The following PCDH10 variants were observed in gnomAD, a reference collection of about 807,000 sequenced individuals.
The protein encoded by PCDH10 is protocadherin 10.
Under a neutral mutation model 74.4 loss-of-function variants are expected in PCDH10, and 15 were observed. That is an observed-to-expected ratio of 0.20 (90% CI 0.13 to 0.31). PCDH10 has a LOEUF of 0.31. Among genes scored for constraint, PCDH10 ranks in the 10% least tolerant of loss-of-function variants. PCDH10 has a pLI of 1.00. For synonymous variants in PCDH10, 619 were observed against 589.8 expected (o/e 1.05, Z -0.72); for missense variants, 1,260 against 1,390.2 (o/e 0.91, Z 1.49).
chr4:133,204,776 C>T (rs1727969021), intron 2 of PCDH10, among the ~76,000 whole-genome samples: 1 of 152,088 alleles, frequency 6.6e-6, no homozygotes. Context: ...GGGAGGGATT[C>T]CTGCCCTGGG....
At chr4:133,197,112 G>T (rs1012819497), downstream of PCDH10, among the ~76,000 whole-genome samples, 3 of 151,982 alleles carry the variant, frequency 2.0e-5, no homozygotes, top group African/African-American at 7.2e-5. Flanking sequence ...AATCTGGCTG[G>T]GTTCGCTTTC....
At position 133,151,757 on chromosome 4, in the gene PCDH10, C is replaced by A. The variant is rs1209476228; in HGVS notation, c.1617C>A (p.Phe539Leu). The A allele has an allele frequency of 6.2e-7, 1 of 1,613,146 alleles. No homozygotes were observed. Among genetic ancestry groups the A allele is most frequent in the Admixed American group, 1.7e-5 (1 of 60,038 alleles). The change falls in exon 1 of 5, where the codon TTC (phenylalanine) becomes TTA (leucine). Residue 539 changes from phenylalanine (F) to leucine (L), a missense_variant. By Grantham distance (22) the Phe-to-Leu change is conservative. Around this residue, in one of 11 missense-constraint regions of PCDH10, gnomAD observed 587 missense variants for 616.9 expected, o/e 0.95. Coordinates refer to ENST00000264360, the MANE Select transcript of PCDH10 (RefSeq NM_032961.3). ...TCGACTATGAGCAGCTGAAGGACTT[C>A]AGTTTTCAGGTGGAAGCCCGGGACG... is the stretch of plus-strand genomic sequence containing the variant. Reference protein sequence around the residue: ...RSFDYEQLKDFSFQVEARDAG... With the variant: ...RSFDYEQLKDLSFQVEARDAG...
downstream of PCDH10, among the ~76,000 whole-genome samples, chr4:133,196,504 A>T (rs187783766): frequency 6.6e-6 from 1 of 152,288 alleles, no homozygotes; most frequent in Non-Finnish European, 1.5e-5. Context: ...CTTAGGTATT[A>T]CAATAGTGAG....
chr4:133,205,639 A>G (rs998384037), intron 2 of PCDH10, among the ~76,000 whole-genome samples: 3 of 151,862 alleles, frequency 2.0e-5, no homozygotes, highest in African/African-American at 4.8e-5. Context: ...CTCCTTCGTT[A>G]TTTGGATGCT....
Position 133,155,006 on chromosome 4 carries a change from A to G in PCDH10, c.2780A>G (p.Asn927Ser). The change falls in exon 3 of 5, where the codon AAC becomes AGC. Residue 927 changes from asparagine to serine, a missense_variant. By Grantham distance (46) the Asn-to-Ser change is conservative. This residue lies in a region of PCDH10 where 136 missense variants were observed against 149.3 expected (regional missense o/e 0.91). Coordinates refer to ENST00000264360, the MANE Select transcript of PCDH10 (RefSeq NM_032961.3). The part of the protein sequence containing the change: ...EQGDSDHDAT[N>S]RAQSAGMDLF... ...GGAGATAGTGATCATGATGCCACCAACCGTGCCCAGTCAGCTGGTAAGTGT... is the reference window on the plus strand; with the variant it reads ...GGAGATAGTGATCATGATGCCACCAGCCGTGCCCAGTCAGCTGGTAAGTGT... The G allele has an allele frequency of 3.1e-6, 5 of 1,610,294 alleles. No individual in the cohort carries two copies. The highest frequency in any genetic ancestry group is 4.2e-6 in the Non-Finnish European group (5 of 1,176,498).
downstream of PCDH10, among the ~76,000 whole-genome samples, chr4:133,197,073 CAG>C (rs1560718086): frequency 6.6e-6 from 1 of 152,136 alleles, no homozygotes; most frequent in African/African-American, 2.4e-5. Context: ...CTCCATTTAT[CAG>C]TGGTATGGAG....
intron 2 of PCDH10, among the ~76,000 whole-genome samples, chr4:133,203,364 T>C (rs923719350): frequency 6.6e-5 from 10 of 152,206 alleles, no homozygotes; most frequent in African/African-American, 2.2e-4. Context: ...TATAAACTTT[T>C]TGCTTTAGAA....
intron 2 of PCDH10, among the ~76,000 whole-genome samples, chr4:133,207,026 TATGTA>T (rs1222191054): frequency 6.6e-6 from 1 of 152,112 alleles, no homozygotes; most frequent in Non-Finnish European, 1.5e-5. Flanking sequence ...AATAATAAAA[TATGTA>T]ATTCATTTTT....
At chr4:133,165,837 A>G (rs964511504) in intron 4 of PCDH10, among the ~76,000 whole-genome samples, 3 of 151,764 alleles carry the variant, frequency 2.0e-5, no homozygotes, top group East Asian at 1.9e-4. Flanking sequence ...TTTGATTTCT[A>G]TACCTCCGAT....
intron 3 of PCDH10, among the ~76,000 whole-genome samples, chr4:133,159,753 G>C (rs1232838281): frequency 1.3e-5 from 2 of 151,880 alleles, no homozygotes; most frequent in African/African-American, 4.8e-5. Flanking sequence ...TAAGGCATTT[G>C]AATGAGAAAA....
rs11400760 is a variant in PCDH10, at chr4:133,201,856, C to CAAAA, written n.438-6202_438-6199dup. ...GGGCAACAAGAGTGAAACTCCATCT[C>CAAAA]AAAAAAAAAAAAAAAAAAAAAGGAA... On this transcript the variant is annotated intron_variant and non_coding_transcript_variant, in intron 2 of 2. Transcript: ENST00000511112. 1.5e-3 allele frequency among the ~76,000 whole-genome samples: 105 copies of CAAAA among 71,844 alleles called. 1 individual carries two copies. Among genetic ancestry groups the CAAAA allele is most frequent in the African/African-American group, 2.9e-3 (54 of 18,312 alleles). The allele number at this position is 71,844 out of a possible 152,430, so 47.1% of individuals were successfully genotyped here.
At chr4:133,154,651 T>C (rs898649496) in intron 2 of PCDH10, among the ~76,000 whole-genome samples, 1 of 152,234 alleles carries the variant, frequency 6.6e-6, no homozygotes, top group Non-Finnish European at 1.5e-5. Flanking sequence ...TTTATATCTA[T>C]TTTATGAAAA....
At position 133,194,435 on chromosome 4, in the gene PCDH10, G is replaced by A. The variant is rs1304880946; in HGVS notation, c.*4275G>A. 6.6e-6 allele frequency: 1 copy of A among 151,760 alleles called. No homozygotes were observed. The highest frequency in any genetic ancestry group is 1.5e-5 in the Non-Finnish European group (1 of 67,784). 9.4% of individuals were successfully genotyped at this position (151,760 alleles called of 1,614,324 possible). On this transcript the variant is annotated 3_prime_UTR_variant, in exon 5 of 5. Coordinates refer to ENST00000264360, the MANE Select transcript of PCDH10 (RefSeq NM_032961.3). ...ATTTCAGCTCTAAACACATTTTTGA[G>A]ACAGTTATCTGTGAGTGAAAACAGG...
chr4:133,151,283 C>A lies in PCDH10; in HGVS notation c.1143C>A (p.Ser381Arg), dbSNP rs745922419. The A allele has an allele frequency of 6.2e-7, 1 of 1,614,102 alleles. No individual in the cohort carries two copies. The highest frequency in any genetic ancestry group is 1.1e-5 in the South Asian group (1 of 91,076). The stretch of plus-strand genomic sequence containing the variant: ...CCGGCACTGTGGTGGCCCTTTTCAG[C>A]GTGACTGACCGCGACTCAGAGGAGA... ...AAPGTVVALFSVTDRDSEENG... is the reference protein window; with the variant it reads ...AAPGTVVALFRVTDRDSEENG... The change falls in exon 1 of 5, where the codon AGC becomes AGA. Residue 381 changes from serine (S) to arginine (R), a missense_variant. Ser to Arg is a moderately radical substitution (Grantham distance 110). This residue lies in a region of PCDH10 where 112 missense variants were observed against 123.6 expected (regional missense o/e 0.91). Transcript: ENST00000264360.
Position 133,208,195 on chromosome 4 carries a change from G to A in PCDH10, n.557G>A, listed in dbSNP as rs546712069. Reference sequence around the variant, plus strand: ...AGTTGAGCATTCAGATGAGACCACAGCCCCTGCTGACAGTTTGACTGCAAC... The same window carrying A: ...AGTTGAGCATTCAGATGAGACCACAACCCCTGCTGACAGTTTGACTGCAAC... On this transcript the variant is annotated non_coding_transcript_exon_variant, in exon 3 of 3. Coordinates refer to the PCDH10 transcript ENST00000511112. 3 of 152,288 alleles carry A rather than the reference G, an allele frequency of 2.0e-5. No homozygotes were observed. In the South Asian group the frequency reaches 6.2e-4, roughly 32 times the overall value. The allele number at this position is 152,288 out of a possible 1,614,324, so 9.4% of individuals were successfully genotyped here.
chr4:133,206,871 G>A (rs1055809537), intron 2 of PCDH10, among the ~76,000 whole-genome samples: 1 of 152,016 alleles, frequency 6.6e-6, no homozygotes, highest in African/African-American at 2.4e-5. Context: ...GTTTGAATGT[G>A]GGATTCTCTT....
intron 4 of PCDH10, among the ~76,000 whole-genome samples, chr4:133,175,080 G>A (rs1170207751): frequency 6.6e-6 from 1 of 151,672 alleles, no homozygotes; most frequent in Non-Finnish European, 1.5e-5. Flanking sequence ...CCAATATAGA[G>A]AAAGATTACC....
At position 133,151,208 on chromosome 4, in the gene PCDH10, A is replaced by G. The variant is rs1726678832; in HGVS notation, c.1068A>G (p.Pro356=). The part of the protein sequence containing the change: ...VRVLDANDNA[P]EISFSTVKEA... ...TACTGGATGCTAATGACAACGCGCCAGAGATCAGCTTCAGCACCGTGAAGG... is the reference window on the plus strand; with the variant it reads ...TACTGGATGCTAATGACAACGCGCCGGAGATCAGCTTCAGCACCGTGAAGG... The change falls in exon 1 of 5, where the codon CCA becomes CCG. Residue 356 remains proline (P), a synonymous_variant. Transcript: ENST00000264360. The G allele has an allele frequency of 6.2e-7, 1 of 1,613,758 alleles. No homozygotes were observed. Among genetic ancestry groups the G allele is most frequent in the Non-Finnish European group, 8.5e-7 (1 of 1,179,966 alleles).
At chr4:133,199,144 C>T (rs920146006), downstream of PCDH10, among the ~76,000 whole-genome samples, 1 of 151,388 alleles carries the variant, frequency 6.6e-6, no homozygotes, top group African/African-American at 2.4e-5. Context: ...AAAATTTAGC[C>T]GGGAGTAGTG....
Sources: allele counts gnomAD v4.1 joint callset (sites outside exome capture counted in the v4.1 genomes callset), GRCh38; gene constraint gnomAD v4.1.1; regional missense constraint gnomAD v4.1.1; transcripts MANE v1.5; gene names NCBI Gene and HGNC (gene_info 2026-07-23, HGNC 2026-07-21).